Variants in APOL5 observed in about 807,000 individuals in gnomAD.
The protein encoded by APOL5 is apolipoprotein L5, also known as apolipoprotein L, 5.
In APOL5, 29 loss-of-function variants were observed where a neutral mutation model predicts 35.5. The ratio of observed to expected loss-of-function variants is 0.82; its 90% CI spans 0.61 to 1.11. APOL5 has a LOEUF of 1.11. Among genes scored for constraint, APOL5 ranks in the 50% most tolerant of loss-of-function variants. APOL5 has a pLI of 0.00. For synonymous variants in APOL5, 188 were observed against 200.2 expected (o/e 0.94, Z 0.51); for missense variants, 514 against 530.4 (o/e 0.97, Z 0.30).
upstream of APOL5, among the ~76,000 whole-genome samples, chr22:35,714,870 T>C (rs8141105): frequency 4.8e-3 from 738 of 152,304 alleles, 4 homozygotes; most frequent in Middle Eastern, 0.017. Context: ...GGGTGTCTTG[T>C]AATGGAAACC....
rs1210231136 is a variant in APOL5 at position 35,726,967 on chromosome 22, G to C, written c.899G>C (p.Gly300Ala). 3 of 1,614,176 alleles carry C rather than the reference G, an allele frequency of 1.9e-6. No individual in the cohort carries two copies. The highest frequency in any genetic ancestry group is 2.2e-5 in the East Asian group (1 of 44,878). ...TGGGTGATGGGTGCTGCTGGGGCTG[G>C]CTTCTTACTTATGAAAGACATGAGC... ...GAWVMGAAGA[G>A]FLLMKDMSSF... The change falls in exon 3 of 5, where the codon GGC becomes GCC. Residue 300 changes from glycine (G) to alanine (A), a missense_variant. Coordinates refer to ENST00000249044, the MANE Select transcript of APOL5 (RefSeq NM_030642.1).
At chr22:35,718,807 C>T (rs542788413) in intron 1 of APOL5, among the ~76,000 whole-genome samples, 1 of 152,210 alleles carries the variant, frequency 6.6e-6, no homozygotes, top group Admixed American at 6.5e-5. Context: ...CCTGTAATCC[C>T]AGCACTTTGG....
chr22:35,718,539 C>G (rs1468948944), intron 1 of APOL5, among the ~76,000 whole-genome samples: 2 of 146,216 alleles, frequency 1.4e-5, no homozygotes, highest in Non-Finnish European at 3.0e-5. Flanking sequence ...ATTGCTTGAA[C>G]TGGGAGATCG....
upstream of APOL5, among the ~76,000 whole-genome samples, chr22:35,716,010 T>G (rs1346837760): frequency 6.6e-6 from 1 of 152,050 alleles, no homozygotes; most frequent in Non-Finnish European, 1.5e-5. Flanking sequence ...TGGGTCAAAA[T>G]CAGATCTGAG....
intron 3 of APOL5, among the ~76,000 whole-genome samples, chr22:35,727,454 C>T (rs1927212240): frequency 6.6e-6 from 1 of 152,202 alleles, no homozygotes; most frequent in Admixed American, 6.5e-5. Context: ...TGTGGGGGTG[C>T]TCCCTGTCTG....
At chr22:35,718,585 C>A (rs1431441292) in intron 1 of APOL5, among the ~76,000 whole-genome samples, 2 of 117,238 alleles carry the variant, frequency 1.7e-5, no homozygotes, top group Admixed American at 1.7e-4. Flanking sequence ...CAGACAGAGA[C>A]CCCGTCTCAA....
intron 2 of APOL5, among the ~76,000 whole-genome samples, chr22:35,720,920 AT>A (rs965434282): frequency 6.6e-6 from 1 of 151,860 alleles, no homozygotes; most frequent in Non-Finnish European, 1.5e-5. Context: ...TAATTTTTAT[AT>A]TTTTTGTAGA....
intron 2 of APOL5, among the ~76,000 whole-genome samples, chr22:35,724,038 AGGGGGATTTGT>A (rs1398152864): frequency 6.6e-6 from 1 of 152,180 alleles, no homozygotes; most frequent in Non-Finnish European, 1.5e-5. Context: ...CTCCCGTGGA[AGGGGGATTTGT>A]GGTTGTCTTC....
At chr22:35,713,813 T>C (rs1342336817), upstream of APOL5, among the ~76,000 whole-genome samples, 2 of 152,128 alleles carry the variant, frequency 1.3e-5, no homozygotes, top group East Asian at 1.9e-4. Context: ...ATGCTAGAGA[T>C]TATGAAGTGA....
At chr22:35,726,147 C>T in intron 2 of APOL5, 64 bp from the exon 3 acceptor site, 2 of 1,546,252 alleles carry the variant, frequency 1.3e-6, no homozygotes, top group Non-Finnish European at 1.7e-6. Flanking sequence ...GACATTGTAC[C>T]TCGATTCTCA....
At chr22:35,710,920 A>T in the APOL5 span, among the ~76,000 whole-genome samples, 1 of 152,182 alleles carries the variant, frequency 6.6e-6, no homozygotes, top group African/African-American at 2.4e-5. Context: ...TAATCCCAAC[A>T]CTTTGGGAGG....
chr22:35,729,245 T>C, intron 4 of APOL5, 109 bp from the exon 5 acceptor site: 1 of 209,970 alleles, frequency 4.8e-6, no homozygotes, highest in Non-Finnish European at 9.3e-6. Flanking sequence ...AAGAATGACC[T>C]CGCCCAGCCC....
upstream of APOL5, among the ~76,000 whole-genome samples, chr22:35,714,240 C>T (rs894324557): frequency 1.1e-4 from 17 of 152,028 alleles, no homozygotes; most frequent in African/African-American, 3.1e-4. Context: ...TGAACCTGGG[C>T]GGCGGAGGTT....
rs768415716 is a variant in APOL5, at chr22:35,720,601, G to T, written c.89G>T (p.Arg30Leu). The change falls in exon 2 of 5, where the codon CGA (arginine) becomes CTA (leucine). Residue 30 changes from arginine to leucine, a missense_variant. Arg to Leu is a moderately radical substitution (Grantham distance 102). Around this residue, in one of 3 missense-constraint regions of APOL5, gnomAD observed 254 missense variants for 254.7 expected, o/e 1.00. Coordinates refer to ENST00000249044, the MANE Select transcript of APOL5 (RefSeq NM_030642.1). ...LGEGCKEMWL[R>L]KVIYGGEVWG... ...GAAGGTTGTAAAGAAATGTGGCTTC[G>T]AAAGGTAATCTACGGAGGTGAGGTC... 6.2e-7 allele frequency: 1 copy of T among 1,614,166 alleles called. No individual in the cohort carries two copies. The highest frequency in any genetic ancestry group is 1.1e-5 in the South Asian group (1 of 91,082).
At chr22:35,725,830 A>G (rs892734748) in intron 2 of APOL5, among the ~76,000 whole-genome samples, 7 of 152,168 alleles carry the variant, frequency 4.6e-5, no homozygotes, top group Admixed American at 4.6e-4. Flanking sequence ...GGGGAGGTTT[A>G]GAATCTTGTG....
chr22:35,726,786 ATCAAGGATCT>A lies in APOL5; in HGVS notation c.722_731del (p.Lys241MetfsTer44). ...TAAGTGTGTAAAAGCTATCCAGGGC[ATCAAGGATCT>A]TCATGCCTACCAGATGGCCAAATCC... is the stretch of plus-strand genomic sequence containing the variant. On this transcript the variant is annotated frameshift_variant, in exon 3 of 5. Coordinates refer to ENST00000249044, the MANE Select transcript of APOL5 (RefSeq NM_030642.1). LOFTEE classifies it high-confidence loss of function. The A allele has an allele frequency of 6.2e-7, 1 of 1,614,240 alleles. No homozygotes were observed. The highest frequency in any genetic ancestry group is 8.5e-7 in the Non-Finnish European group (1 of 1,180,056).
upstream of APOL5, among the ~76,000 whole-genome samples, chr22:35,717,235 A>AAATATATATAT: frequency 1.5e-3 from 86 of 57,650 alleles, 1 homozygote; most frequent in African/African-American, 6.4e-3. Flanking sequence ...AAAAAAAAAA[A>AAATATATATAT]ATATATATAT....
At chr22:35,729,306 G>T in intron 4 of APOL5, 48 bp from the exon 5 acceptor site, 1 of 162,246 alleles carries the variant, frequency 6.2e-6, no homozygotes, top group Non-Finnish European at 1.3e-5. Context: ...CTAAGATGCT[G>T]CAGAAGTGAG....
upstream of APOL5, among the ~76,000 whole-genome samples, chr22:35,714,119 T>G (rs1217492043): frequency 5.9e-5 from 9 of 151,976 alleles, no homozygotes; most frequent in Admixed American, 5.9e-4. Context: ...TAAGACCAGC[T>G]TGGCCAACAT....
Sources: gnomAD v4.1 joint callset for allele counts (sites outside exome capture counted in the v4.1 genomes callset) on GRCh38, gnomAD v4.1.1 for gene constraint, gnomAD v4.1.1 regional missense constraint, MANE v1.5 for transcripts, NCBI Gene and HGNC (gene_info 2026-07-23, HGNC 2026-07-21) for gene names.